The following WWC1 variants were observed in gnomAD, a reference collection of about 807,000 sequenced individuals.
WWC1 encodes the protein WW and C2 domain containing 1.
A neutral mutation model predicts 138.4 loss-of-function variants in WWC1; 55 were observed. That is an observed-to-expected ratio of 0.40 (90% CI 0.32 to 0.50). The LOEUF is 0.50. Ranked by LOEUF, WWC1 falls within the 20% of genes least tolerant of loss-of-function variation. WWC1 has a pLI of 0.72. For missense variants in WWC1, 1,226 were observed against 1,420.4 expected (o/e 0.86, Z 2.20); for synonymous variants, 524 against 564.9 (o/e 0.93, Z 1.03).
chr5:168,455,207 A>T (rs1290463476), intron 18 of WWC1, 149 bp from the exon 19 acceptor site: 1 of 1,014,830 alleles, frequency 9.9e-7, no homozygotes, highest in African/African-American at 1.6e-5. Flanking sequence ...GGCTGAGCTC[A>T]TCTAGCAGGG....
At chr5:168,340,857 C>T (rs12332615) in intron 1 of WWC1, among the ~76,000 whole-genome samples, 1 of 152,126 alleles carries the variant, frequency 6.6e-6, no homozygotes, top group Non-Finnish European at 1.5e-5. Context: ...CTGGTAGGGA[C>T]TATTTTTCTC....
intron 1 of WWC1, among the ~76,000 whole-genome samples, chr5:168,370,801 T>C (rs1474072535): frequency 6.6e-6 from 1 of 152,234 alleles, no homozygotes; most frequent in Non-Finnish European, 1.5e-5. Context: ...AGAGAGCGGT[T>C]ATTGCTAAAA....
intron 1 of WWC1, among the ~76,000 whole-genome samples, chr5:168,339,895 GTCTC>G (rs1157471600): frequency 4.5e-5 from 3 of 66,792 alleles, no homozygotes; most frequent in Admixed American, 3.2e-4. Flanking sequence ...CTCTCTCTCT[GTCTC>G]TCTCTCTTTC....
At chr5:168,363,350 C>A (rs1270716327) in intron 1 of WWC1, among the ~76,000 whole-genome samples, 2 of 151,766 alleles carry the variant, frequency 1.3e-5, no homozygotes, top group Non-Finnish European at 2.9e-5. Context: ...ATGGGGAAAT[C>A]CCGCCTCTAC....
chr5:168,309,182 C>G (rs1229330935), intron 1 of WWC1, among the ~76,000 whole-genome samples: 1 of 148,014 alleles, frequency 6.8e-6, no homozygotes, highest in Non-Finnish European at 1.5e-5. Context: ...GCATTTTGCA[C>G]TCTTCTCCCT....
At chr5:168,396,225 A>T (rs1324987648) in intron 3 of WWC1, among the ~76,000 whole-genome samples, 1 of 152,166 alleles carries the variant, frequency 6.6e-6, no homozygotes, top group Non-Finnish European at 1.5e-5. Context: ...CTCTGCTAAA[A>T]ATACAAAATT....
rs376567570 is a variant in WWC1 at position 168,338,217 on chromosome 5, A to G, written c.120-33207A>G. On this transcript the variant is annotated intron_variant, in intron 1 of 22. Coordinates refer to ENST00000265293, the MANE Select transcript of WWC1 (RefSeq NM_015238.3). ...TCCCAGCTACTCAGGAACCTGAGGC[A>G]GGAGAATCACTGGAAGCAGGGAGGC... is the stretch of plus-strand genomic sequence containing the variant. 9.6e-4 allele frequency among the ~76,000 whole-genome samples: 146 copies of G among 151,554 alleles called. 2 individuals carry two copies. The East Asian group carries it at 0.028, about 29-fold the overall frequency.
intron 11 of WWC1, 66 bp downstream of exon 11, chr5:168,424,134 C>G: frequency 6.6e-7 from 1 of 1,508,532 alleles, no homozygotes; most frequent in Non-Finnish European, 8.9e-7. Context: ...GTGCTCAGAA[C>G]CCCCCAGTGA....
At chr5:168,362,740 A>G (rs1271440157) in intron 1 of WWC1, among the ~76,000 whole-genome samples, 1 of 152,226 alleles carries the variant, frequency 6.6e-6, no homozygotes, top group Non-Finnish European at 1.5e-5. Flanking sequence ...AGATAAGCAT[A>G]GAGACTCAAG....
In WWC1 at chr5:168,430,209, A is replaced by G. The variant is rs778334376; in HGVS notation, c.2073A>G (p.Gln691=). 5.6e-6 allele frequency: 9 copies of G among 1,613,730 alleles called. No individual in the cohort carries two copies. The highest frequency in any genetic ancestry group is 1.7e-4 in the Middle Eastern group (1 of 6,058). Residue 691 remains glutamine, a synonymous_variant, in exon 14 of 23, where the codon CAA becomes CAG. Coordinates refer to ENST00000265293, the MANE Select transcript of WWC1 (RefSeq NM_015238.3). ...QLSNLSALLQ[Q]QDQKVNIRVA... is the part of the protein sequence containing the mutation. Reference sequence around the variant, plus strand: ...GTAACCTTTCTGCTCTGTTGCAGCAACAAGACCAGAAAGTGTGAGTATGTA... The same window carrying G: ...GTAACCTTTCTGCTCTGTTGCAGCAGCAAGACCAGAAAGTGTGAGTATGTA...
At chr5:168,440,664 TACGCCACC>T (rs1469142601) in intron 15 of WWC1, among the ~76,000 whole-genome samples, 1 of 152,136 alleles carries the variant, frequency 6.6e-6, no homozygotes, top group Non-Finnish European at 1.5e-5. Context: ...ATTACAGGCA[TACGCCACC>T]ACGCTCGGCT....
At chr5:168,367,180 T>A (rs1410806156) in intron 1 of WWC1, among the ~76,000 whole-genome samples, 3 of 152,092 alleles carry the variant, frequency 2.0e-5, no homozygotes, top group Non-Finnish European at 2.9e-5. Context: ...AACACATAGA[T>A]AACTGAAGGT....
At chr5:168,440,881 G>A (rs958930237) in intron 15 of WWC1, among the ~76,000 whole-genome samples, 1 of 152,178 alleles carries the variant, frequency 6.6e-6, no homozygotes, top group Non-Finnish European at 1.5e-5. Context: ...TCACAATAGT[G>A]AAGAGGTAGA....
At chr5:168,410,931 CTT>C (rs1354123052) in intron 8 of WWC1, among the ~76,000 whole-genome samples, 2 of 114,476 alleles carry the variant, frequency 1.7e-5, no homozygotes, top group Non-Finnish European at 3.5e-5. Flanking sequence ...ATGATCTTTG[CTT>C]TTTTTTTTTT....
chr5:168,457,148 T>A (rs1480607999), intron 19 of WWC1, among the ~76,000 whole-genome samples: 269 of 151,534 alleles, frequency 1.8e-3, no homozygotes, highest in Middle Eastern at 0.01. Context: ...GCATTTTTTT[T>A]TTTTTTTTTT....
At chr5:168,314,414 A>G (rs1338636812) in intron 1 of WWC1, among the ~76,000 whole-genome samples, 3 of 151,954 alleles carry the variant, frequency 2.0e-5, no homozygotes, top group Non-Finnish European at 4.4e-5. Context: ...CTAAAAACAC[A>G]AAATTAGCCA....
intron 15 of WWC1, among the ~76,000 whole-genome samples, chr5:168,431,942 T>A (rs1781981753): frequency 6.6e-6 from 1 of 151,902 alleles, no homozygotes; most frequent in African/African-American, 2.4e-5. Flanking sequence ...TGGTGCATGC[T>A]TGTAGTCCTA....
chr5:168,390,916 G>C (rs1778434376), intron 3 of WWC1, among the ~76,000 whole-genome samples: 1 of 152,240 alleles, frequency 6.6e-6, no homozygotes, highest in Non-Finnish European at 1.5e-5. Context: ...CACACACACA[G>C]TCCTCTAAGA....
chr5:168,458,564 T>C (rs1561795497), intron 19 of WWC1, among the ~76,000 whole-genome samples: 1 of 152,162 alleles, frequency 6.6e-6, no homozygotes, highest in Non-Finnish European at 1.5e-5. Flanking sequence ...TTCCTACAGC[T>C]CTCCTCAGCC....
Sources: gnomAD v4.1 joint callset for allele counts (sites outside exome capture counted in the v4.1 genomes callset) on GRCh38, gnomAD v4.1.1 for gene constraint, MANE v1.5 for transcripts, NCBI Gene and HGNC (gene_info 2026-07-23, HGNC 2026-07-21) for gene names.